PPP4R3B: variants seen among roughly 807,000 people sequenced by gnomAD.
PPP4R3B encodes the protein protein phosphatase 4 regulatory subunit 3B.
A neutral mutation model predicts 95.4 loss-of-function variants in PPP4R3B; 52 were observed. The observed-to-expected ratio is 0.54, with a 90% CI of 0.44 to 0.69. The LOEUF (loss-of-function observed/expected upper bound fraction) is 0.69. Among genes scored for constraint, PPP4R3B ranks in the 30% least tolerant of loss-of-function variants. PPP4R3B has a pLI of 0.00. For missense variants in PPP4R3B, 1,003 were observed against 1,005.9 expected (o/e 1.00, Z 0.04); for synonymous variants, 407 against 343.9 (o/e 1.18, Z -2.03).
intron 16 of PPP4R3B, among the ~76,000 whole-genome samples, chr2:55,555,944 G>A (rs1455508725): frequency 1.3e-5 from 2 of 152,150 alleles, no homozygotes; most frequent in African/African-American, 4.8e-5. Flanking sequence ...GAAAATATAC[G>A]TTTTACAGTT....
chr2:55,592,253 G>A (rs1223185369), intron 4 of PPP4R3B, among the ~76,000 whole-genome samples: 1 of 152,174 alleles, frequency 6.6e-6, no homozygotes, highest in African/African-American at 2.4e-5. Flanking sequence ...GGTTCAAAAA[G>A]TGAACCTTTC....
intron 6 of PPP4R3B, 31 bp downstream of exon 6, chr2:55,586,587 T>A: frequency 7.4e-7 from 1 of 1,360,078 alleles, no homozygotes. Context: ...ATTTACAATT[T>A]CAAAAACATG....
At chr2:55,600,506 A>G (rs1439515249) in intron 3 of PPP4R3B, among the ~76,000 whole-genome samples, 3 of 149,540 alleles carry the variant, frequency 2.0e-5, no homozygotes, top group Non-Finnish European at 4.5e-5. Context: ...CGCTTACTGA[A>G]ATTGAAATTG....
chr2:55,557,392 C>A (rs889551083), intron 16 of PPP4R3B, among the ~76,000 whole-genome samples: 1 of 152,132 alleles, frequency 6.6e-6, no homozygotes, highest in Non-Finnish European at 1.5e-5. Flanking sequence ...GGGGTCTCAC[C>A]TTGTTGCCCA....
chr2:55,612,617 T>A (rs1003415459), intron 2 of PPP4R3B, among the ~76,000 whole-genome samples: 10 of 151,988 alleles, frequency 6.6e-5, no homozygotes, highest in African/African-American at 2.4e-4. Flanking sequence ...CTGGACAACA[T>A]AACGAGACCC....
chr2:55,550,451 T>C (rs1685124593), intron 16 of PPP4R3B, among the ~76,000 whole-genome samples: 1 of 152,222 alleles, frequency 6.6e-6, no homozygotes, highest in South Asian at 2.1e-4. Context: ...CATTGTGCTT[T>C]TGAAGTACAG....
intron 9 of PPP4R3B, among the ~76,000 whole-genome samples, chr2:55,578,746 G>T (rs1689035220): frequency 6.6e-6 from 1 of 152,060 alleles, no homozygotes; most frequent in African/African-American, 2.4e-5. Context: ...TACATAGGGT[G>T]TGCTCATGTT....
At chr2:55,584,037 C>T (rs1162663899) in intron 7 of PPP4R3B, among the ~76,000 whole-genome samples, 1 of 152,136 alleles carries the variant, frequency 6.6e-6, no homozygotes, top group Non-Finnish European at 1.5e-5. Flanking sequence ...GAAACCTCTT[C>T]TCTACCAAAA....
intron 2 of PPP4R3B, among the ~76,000 whole-genome samples, chr2:55,606,752 G>C (rs1307603237): frequency 2.0e-5 from 3 of 151,052 alleles, no homozygotes; most frequent in Non-Finnish European, 4.4e-5. Context: ...GAACCCGGGA[G>C]GTGGAGATTT....
At chr2:55,578,996 T>A (rs191706988) in intron 9 of PPP4R3B, among the ~76,000 whole-genome samples, 1 of 152,072 alleles carries the variant, frequency 6.6e-6, no homozygotes, top group African/African-American at 2.4e-5. Context: ...AAGTTGAATA[T>A]AGAAGGACTC....
At chr2:55,584,300 A>G (rs1287683563) in intron 7 of PPP4R3B, among the ~76,000 whole-genome samples, 3 of 152,224 alleles carry the variant, frequency 2.0e-5, no homozygotes, top group African/African-American at 4.8e-5. Flanking sequence ...ATATATCAGT[A>G]GTGGGAAAAC....
Position 55,577,316 on chromosome 2 carries a change from G to T in PPP4R3B, c.1605C>A (p.Pro535=), listed in dbSNP as rs147095847. 3 of 1,547,244 alleles carry T rather than the reference G, an allele frequency of 1.9e-6. No individual in the cohort carries two copies. In the East Asian group the frequency reaches 7.1e-5, roughly 37 times the overall value. Residue 535 remains proline, a splice_region_variant and synonymous_variant, in exon 11 of 17, where the codon CCC becomes CCA. Transcript: ENST00000616407. ...VGSNKNNTIC[P]DNYQTAQLLA... is the part of the protein sequence containing the mutation. ...CATAAAGTATGAATTCATACTTACC[G>T]GGACAAATTGTGTTGTTTTTGTTTG...
intron 5 of PPP4R3B, among the ~76,000 whole-genome samples, chr2:55,586,989 GAC>G (rs1196050205): frequency 6.6e-6 from 1 of 152,192 alleles, no homozygotes; most frequent in Non-Finnish European, 1.5e-5. Flanking sequence ...CTTTCTGAAA[GAC>G]ACATCATAAG....
intron 6 of PPP4R3B, 56 bp from the exon 7 acceptor site, chr2:55,585,223 T>C: frequency 1.5e-6 from 2 of 1,300,806 alleles, no homozygotes; most frequent in Non-Finnish European, 2.1e-6. Context: ...TATTCTCACA[T>C]TTCTTTTTTC....
chr2:55,587,296 A>C (rs1690275573), intron 5 of PPP4R3B, among the ~76,000 whole-genome samples: 1 of 152,228 alleles, frequency 6.6e-6, no homozygotes, highest in African/African-American at 2.4e-5. Flanking sequence ...TGAAATGATG[A>C]CATCTGGCGG....
intron 4 of PPP4R3B, 61 bp downstream of exon 4, chr2:55,598,355 G>A: frequency 6.6e-7 from 1 of 1,518,572 alleles, no homozygotes; most frequent in Non-Finnish European, 8.9e-7. Context: ...ACACCTGCTT[G>A]AACTATTAAG....
intron 11 of PPP4R3B, among the ~76,000 whole-genome samples, chr2:55,576,317 T>C (rs1241598727): frequency 1.1e-4 from 16 of 149,476 alleles, no homozygotes; most frequent in Middle Eastern, 3.8e-3. Flanking sequence ...CACTGCACTC[T>C]AGCCTGGGTG....
rs75642710 is a variant in PPP4R3B, at chr2:55,557,964, TATA to T, written c.2454+808_2454+810del. ...TTAACTAAAGATTCATCGACAATAATATAATCCAATTTGCAGAGAAGAGCAGAT... is the reference window on the plus strand; with the variant it reads ...TTAACTAAAGATTCATCGACAATAATATCCAATTTGCAGAGAAGAGCAGAT... On this transcript the variant is annotated intron_variant, in intron 16 of 16. Transcript: ENST00000616407. Among the ~76,000 whole-genome samples, 28 of 152,264 alleles carry T rather than the reference TATA, an allele frequency of 1.8e-4. No homozygotes were observed. The East Asian group carries it at 4.6e-3, about 25-fold the overall frequency.
intron 2 of PPP4R3B, among the ~76,000 whole-genome samples, chr2:55,607,764 C>G (rs186624006): frequency 4.6e-5 from 7 of 152,138 alleles, no homozygotes; most frequent in Admixed American, 2.6e-4. Flanking sequence ...GGTTCAAAGC[C>G]GCAATCTTCT....
Sources: gnomAD v4.1 joint callset for allele counts (sites outside exome capture counted in the v4.1 genomes callset) on GRCh38, gnomAD v4.1.1 for gene constraint, MANE v1.5 for transcripts, NCBI Gene and HGNC (gene_info 2026-07-23, HGNC 2026-07-21) for gene names.